SLC39A11: variants seen among roughly 807,000 people sequenced by gnomAD.
SLC39A11 encodes zinc transporter ZIP11.
SLC39A11 carries 33 observed loss-of-function variants against 36.1 expected under a neutral mutation model. The observed-to-expected ratio is 0.91, with a 90% CI of 0.69 to 1.22. The LOEUF (loss-of-function observed/expected upper bound fraction) is 1.22, where lower values mean the gene tolerates loss of function less well. SLC39A11 is among the 50% of genes most tolerant of loss of function. The pLI is 0.00. For missense variants in SLC39A11, 432 were observed against 430.3 expected (o/e 1.00, Z -0.03); for synonymous variants, 166 against 170.3 (o/e 0.97, Z 0.20).
intron 3 of SLC39A11, chr17:73,068,105 A>AT: frequency 7.1e-7 from 1 of 1,411,520 alleles, no homozygotes; most frequent in South Asian, 1.2e-5. Context: ...AGTATCTCCC[A>AT]CAGCCTTTAG....
At chr17:72,743,631 C>A (rs2074809850) in intron 6 of SLC39A11, among the ~76,000 whole-genome samples, 1 of 152,056 alleles carries the variant, frequency 6.6e-6, no homozygotes, top group Non-Finnish European at 1.5e-5. Context: ...CAGAGGTGAT[C>A]CCCGAGAGCT....
rs186434839 is a variant in SLC39A11, at chr17:72,952,480, C to T, written c.307-4605G>A. ...CATGCCCCGCATATCCCCCACCCCC[C>T]TGCTGCCATGGAGCCCCATCTGCTC... On this transcript the variant is annotated intron_variant, in intron 4 of 9. Transcript: ENST00000255559. Among the ~76,000 whole-genome samples the T allele has an allele frequency of 6.2e-3, 946 of 152,286 alleles. 12 individuals carry two copies. Among genetic ancestry groups the T allele is most frequent in the African/African-American group, 0.022 (913 of 41,568 alleles).
At chr17:72,768,249 G>A (rs938202970) in intron 6 of SLC39A11, among the ~76,000 whole-genome samples, 6 of 152,310 alleles carry the variant, frequency 3.9e-5, no homozygotes, top group South Asian at 4.1e-4. Flanking sequence ...CCAGCCTGAC[G>A]GCCTTTCAAT....
chr17:72,996,393 G>C (rs2089505694), intron 4 of SLC39A11, among the ~76,000 whole-genome samples: 1 of 152,104 alleles, frequency 6.6e-6, no homozygotes, highest in African/African-American at 2.4e-5. Flanking sequence ...CCACAAACTG[G>C]GTGGCTTCAA....
At chr17:72,800,980 G>A (rs1372681736) in intron 6 of SLC39A11, among the ~76,000 whole-genome samples, 3 of 152,198 alleles carry the variant, frequency 2.0e-5, no homozygotes, top group African/African-American at 7.2e-5. Flanking sequence ...GCAACAAAAA[G>A]GGATGAAGTA....
At chr17:73,007,986 C>T (rs1413794225) in intron 4 of SLC39A11, among the ~76,000 whole-genome samples, 1 of 151,964 alleles carries the variant, frequency 6.6e-6, no homozygotes, top group Non-Finnish European at 1.5e-5. Flanking sequence ...GCCTGTAGTC[C>T]CAGCTACTCA....
intron 7 of SLC39A11, 77 bp from the exon 8 acceptor site, chr17:72,649,345 A>G: frequency 7.4e-7 from 1 of 1,344,744 alleles, no homozygotes; most frequent in Non-Finnish European, 1.0e-6. Context: ...GGCCGAGGCC[A>G]AGACCTCCGT....
At chr17:73,034,024 G>A (rs1005801416) in intron 3 of SLC39A11, among the ~76,000 whole-genome samples, 2 of 152,152 alleles carry the variant, frequency 1.3e-5, no homozygotes, top group African/African-American at 4.8e-5. Flanking sequence ...AGGCTGATCC[G>A]TTCAACTCCA....
At chr17:72,856,076 A>G (rs1202953925) in intron 5 of SLC39A11, among the ~76,000 whole-genome samples, 1 of 152,170 alleles carries the variant, frequency 6.6e-6, no homozygotes, top group Non-Finnish European at 1.5e-5. Context: ...CCTTTAATGT[A>G]TATAAACAAT....
chr17:72,872,050 C>T (rs564747515), intron 5 of SLC39A11, among the ~76,000 whole-genome samples: 33 of 152,260 alleles, frequency 2.2e-4, no homozygotes, highest in African/African-American at 7.7e-4. Context: ...GTCACAGAAA[C>T]GTTCTGTGTT....
intron 7 of SLC39A11, among the ~76,000 whole-genome samples, chr17:72,711,182 C>T (rs2073092673): frequency 1.3e-5 from 2 of 152,184 alleles, no homozygotes; most frequent in South Asian, 2.1e-4. Flanking sequence ...CTCATTATTC[C>T]CTTATCCATT....
At chr17:72,811,591 T>C (rs530030889) in intron 6 of SLC39A11, among the ~76,000 whole-genome samples, 1 of 152,358 alleles carries the variant, frequency 6.6e-6, no homozygotes, top group African/African-American at 2.4e-5. Context: ...TTCTTCTCCC[T>C]GTTCTACTAT....
chr17:72,903,242 G>A (rs2082484884), intron 5 of SLC39A11, among the ~76,000 whole-genome samples: 1 of 148,448 alleles, frequency 6.7e-6, no homozygotes, highest in Non-Finnish European at 1.5e-5. Context: ...CTCCAGCCTG[G>A]GCAACAGAGC....
At chr17:73,007,132 A>G (rs2090232205) in intron 4 of SLC39A11, among the ~76,000 whole-genome samples, 1 of 152,126 alleles carries the variant, frequency 6.6e-6, no homozygotes. Flanking sequence ...ATTCAAAACC[A>G]AGACACAGGG....
At chr17:73,020,830 G>A (rs1598884673) in intron 4 of SLC39A11, among the ~76,000 whole-genome samples, 1 of 151,622 alleles carries the variant, frequency 6.6e-6, no homozygotes, top group African/African-American at 2.4e-5. Context: ...CTACAGGCGC[G>A]TGCCACCACA....
intron 5 of SLC39A11, among the ~76,000 whole-genome samples, chr17:72,936,881 C>T (rs1179763924): frequency 5.3e-5 from 8 of 152,206 alleles, no homozygotes; most frequent in African/African-American, 1.9e-4. Flanking sequence ...CTGTGAGAAT[C>T]TAATGCTGCT....
chr17:72,655,967 C>T lies in SLC39A11; in HGVS notation c.672-6699G>A, dbSNP rs141262768. Among the ~76,000 whole-genome samples, 364 of 152,174 alleles carry T rather than the reference C, an allele frequency of 2.4e-3. 1 individual carries two copies. The highest frequency in any genetic ancestry group is 8.4e-3 in the African/African-American group (348 of 41,522). ...CGGGGGGCTGGTGGCGTGGAGGATGCCCCAGGCTCACCAGCTCCCCTCCTG... is the reference window on the plus strand; with the variant it reads ...CGGGGGGCTGGTGGCGTGGAGGATGTCCCAGGCTCACCAGCTCCCCTCCTG... On this transcript the variant is annotated intron_variant, in intron 7 of 9. Coordinates refer to ENST00000255559, the MANE Select transcript of SLC39A11 (RefSeq NM_139177.4).
chr17:72,859,569 G>C (rs372524642), intron 5 of SLC39A11, among the ~76,000 whole-genome samples: 2 of 150,576 alleles, frequency 1.3e-5, no homozygotes, highest in East Asian at 4.0e-4. Context: ...CCCAATTTAG[G>C]GACCAGGTTC....
intron 3 of SLC39A11, among the ~76,000 whole-genome samples, chr17:73,034,619 C>A (rs1020897050): frequency 6.6e-5 from 10 of 152,138 alleles, no homozygotes; most frequent in African/African-American, 2.4e-4. Context: ...CCCAAGTAAG[C>A]CCACTCATCT....
Sources: gnomAD v4.1 joint callset for allele counts (sites outside exome capture counted in the v4.1 genomes callset) on GRCh38, gnomAD v4.1.1 for gene constraint, MANE v1.5 for transcripts, NCBI Gene and HGNC (gene_info 2026-07-23, HGNC 2026-07-21) for gene names.